SCFD2: variants seen among roughly 807,000 people sequenced by gnomAD.
The protein encoded by SCFD2 is sec1 family domain-containing protein 2.
SCFD2 carries 54 observed loss-of-function variants against 58.9 expected under a neutral mutation model. That is an observed-to-expected ratio of 0.92 (90% CI 0.74 to 1.15). The LOEUF is 1.15. Among genes scored for constraint, SCFD2 ranks in the 50% most tolerant of loss-of-function variants. SCFD2 has a pLI of 0.00. For missense variants in SCFD2, 805 were observed against 836.6 expected (o/e 0.96, Z 0.47); for synonymous variants, 321 against 335.9 (o/e 0.96, Z 0.49).
chr4:53,219,785 G>A (rs1420570547), intron 4 of SCFD2, among the ~76,000 whole-genome samples: 11 of 152,138 alleles, frequency 7.2e-5, no homozygotes, highest in Admixed American at 2.0e-4. Flanking sequence ...AACCGCCCCC[G>A]CAATATGGTT....
Position 53,313,795 on chromosome 4 carries a change from T to A in SCFD2, c.1008-32A>T, listed in dbSNP as rs142251849. The A allele has an allele frequency of 1.7e-5, 28 of 1,612,204 alleles. No homozygotes were observed. The East Asian group carries it at 5.4e-4, about 31-fold the overall frequency. On this transcript the variant is annotated intron_variant, in intron 2 of 8. Transcript: ENST00000401642. ...GAAAATCACAAAAAGAGCTTTAGAATAAATTTCTACTGGATACTGGAAAGG... is the reference window on the plus strand; with the variant it reads ...GAAAATCACAAAAAGAGCTTTAGAAAAAATTTCTACTGGATACTGGAAAGG...
chr4:53,165,127 C>A (rs529289379), intron 4 of SCFD2, among the ~76,000 whole-genome samples: 1 of 152,102 alleles, frequency 6.6e-6, no homozygotes, highest in African/African-American at 2.4e-5. Flanking sequence ...TCCTTTTAAG[C>A]GTTACCATAA....
intron 5 of SCFD2, among the ~76,000 whole-genome samples, chr4:53,091,680 C>G (rs1171887833): frequency 6.6e-6 from 1 of 152,116 alleles, no homozygotes; most frequent in East Asian, 1.9e-4. Flanking sequence ...CCTGTAGATA[C>G]AACTTTCATA....
intron 3 of SCFD2, among the ~76,000 whole-genome samples, chr4:53,301,935 AT>A (rs1732319018): frequency 6.6e-6 from 1 of 152,220 alleles, no homozygotes; most frequent in African/African-American, 2.4e-5. Flanking sequence ...TAAATTAGGT[AT>A]TGATGGGACG....
chr4:53,256,178 G>T (rs1730619685), intron 4 of SCFD2, among the ~76,000 whole-genome samples: 1 of 150,604 alleles, frequency 6.6e-6, no homozygotes, highest in South Asian at 2.1e-4. Flanking sequence ...CGGGGCGGCT[G>T]CCGGGCGGAG....
intron 5 of SCFD2, among the ~76,000 whole-genome samples, chr4:53,025,586 C>T (rs1041119949): frequency 2.0e-5 from 3 of 152,144 alleles, no homozygotes; most frequent in Non-Finnish European, 4.4e-5. Context: ...CACTCTTATG[C>T]CATCTCAGCA....
At chr4:53,046,651 C>T (rs1723047021) in intron 5 of SCFD2, among the ~76,000 whole-genome samples, 1 of 152,002 alleles carries the variant, frequency 6.6e-6, no homozygotes, top group African/African-American at 2.4e-5. Flanking sequence ...CCCACTTCAA[C>T]AAAGCTACGT....
intron 4 of SCFD2, among the ~76,000 whole-genome samples, chr4:53,188,027 C>G (rs1454938751): frequency 6.6e-6 from 1 of 152,022 alleles, no homozygotes; most frequent in Non-Finnish European, 1.5e-5. Flanking sequence ...TCTATTGGTA[C>G]AGAAACAGCT....
intron 5 of SCFD2, among the ~76,000 whole-genome samples, chr4:52,996,421 T>C (rs896749854): frequency 6.6e-6 from 1 of 152,268 alleles, no homozygotes; most frequent in African/African-American, 2.4e-5. Context: ...ACATTGGTGT[T>C]ATTTTCCCTT....
intron 7 of SCFD2, among the ~76,000 whole-genome samples, chr4:52,897,774 C>T (rs1005178911): frequency 2.6e-5 from 4 of 152,210 alleles, no homozygotes; most frequent in Non-Finnish European, 5.9e-5. Context: ...AACTGCGAAT[C>T]CATCTGGTCC....
chr4:53,265,734 T>G (rs1216620408), intron 4 of SCFD2, among the ~76,000 whole-genome samples: 3 of 152,108 alleles, frequency 2.0e-5, no homozygotes, highest in Non-Finnish European at 4.4e-5. Flanking sequence ...AATAATTGTT[T>G]TCTTTTGCCT....
intron 4 of SCFD2, among the ~76,000 whole-genome samples, chr4:53,231,063 C>T (rs1391793083): frequency 6.6e-6 from 1 of 151,998 alleles, no homozygotes; most frequent in African/African-American, 2.4e-5. Context: ...AGCCATGCTA[C>T]AACTGATAGG....
chr4:53,036,702 G>C (rs932048288), intron 5 of SCFD2, among the ~76,000 whole-genome samples: 35 of 152,096 alleles, frequency 2.3e-4, no homozygotes, highest in South Asian at 1.2e-3. Context: ...AGGGGGTGTG[G>C]GGCTAGGGAA....
intron 3 of SCFD2, among the ~76,000 whole-genome samples, chr4:53,297,353 G>A (rs1465987985): frequency 2.0e-5 from 3 of 152,106 alleles, no homozygotes; most frequent in Non-Finnish European, 4.4e-5. Context: ...ACTATAGTTA[G>A]CTCTTCTTGT....
chr4:53,007,427 G>A (rs1577655701), intron 5 of SCFD2, among the ~76,000 whole-genome samples: 1 of 132,718 alleles, frequency 7.5e-6, no homozygotes, highest in African/African-American at 2.7e-5. Context: ...GGGAGGGAGG[G>A]AGGGAGGGAG....
At chr4:52,960,802 C>A (rs1348545973) in intron 5 of SCFD2, among the ~76,000 whole-genome samples, 2 of 152,054 alleles carry the variant, frequency 1.3e-5, no homozygotes, top group Admixed American at 1.3e-4. Flanking sequence ...TATTATACAT[C>A]AACTATGCAA....
intron 2 of SCFD2, among the ~76,000 whole-genome samples, chr4:53,336,347 T>C (rs528356194): frequency 1.4e-3 from 214 of 152,244 alleles, no homozygotes; most frequent in South Asian, 7.1e-3. Context: ...TGGCTTTCTA[T>C]AAAGTACAAA....
At chr4:53,229,041 A>T (rs994735454) in intron 4 of SCFD2, among the ~76,000 whole-genome samples, 116 of 152,222 alleles carry the variant, frequency 7.6e-4, no homozygotes, top group African/African-American at 3.9e-4. Flanking sequence ...GAGAATAAAA[A>T]ACCTAGGAAT....
chr4:53,005,894 C>T (rs1217208628), intron 5 of SCFD2, among the ~76,000 whole-genome samples: 1 of 152,168 alleles, frequency 6.6e-6, no homozygotes, highest in Non-Finnish European at 1.5e-5. Flanking sequence ...ATTGTACTAA[C>T]TGGAGAACTT....
Sources: gnomAD v4.1 joint callset for allele counts (sites outside exome capture counted in the v4.1 genomes callset) on GRCh38, gnomAD v4.1.1 for gene constraint, MANE v1.5 for transcripts, NCBI Gene and HGNC (gene_info 2026-07-23, HGNC 2026-07-21) for gene names.